CTNNA3: variants seen among roughly 807,000 people sequenced by gnomAD.
CTNNA3 encodes the protein catenin alpha 3.
Under a neutral mutation model 95.7 loss-of-function variants are expected in CTNNA3, and 76 were observed. That is an observed-to-expected ratio of 0.79 (90% confidence interval 0.66 to 0.96). CTNNA3 has a LOEUF of 0.96. CTNNA3 is among the 40% of genes least tolerant of loss of function. The pLI is 0.00. For missense variants in CTNNA3, 1,191 were observed against 1,089.8 expected (o/e 1.09, Z -1.31); for synonymous variants, 431 against 374.4 (o/e 1.15, Z -1.74).
chr10:66,301,751 C>T (rs886262374), intron 12 of CTNNA3, among the ~76,000 whole-genome samples: 2 of 152,090 alleles, frequency 1.3e-5, no homozygotes, highest in Non-Finnish European at 1.5e-5. Flanking sequence ...AAAATGCCTA[C>T]AGTTAACATC....
At chr10:66,420,262 AACAGGT>A (rs1433931214) in intron 11 of CTNNA3, among the ~76,000 whole-genome samples, 1 of 152,230 alleles carries the variant, frequency 6.6e-6, no homozygotes, top group Non-Finnish European at 1.5e-5. Flanking sequence ...GCAAATGGCC[AACAGGT>A]ACATGGAAAA....
At chr10:66,412,661 G>A (rs978230379) in intron 11 of CTNNA3, among the ~76,000 whole-genome samples, 2 of 151,774 alleles carry the variant, frequency 1.3e-5, no homozygotes, top group East Asian at 1.9e-4. Flanking sequence ...GGGTTTTATC[G>A]TATTAGCCAG....
At chr10:66,199,235 C>A (rs978745773) in intron 13 of CTNNA3, among the ~76,000 whole-genome samples, 2 of 152,036 alleles carry the variant, frequency 1.3e-5, no homozygotes, top group Admixed American at 6.6e-5. Flanking sequence ...GTGGAAACAT[C>A]AATGGTTTTA....
At chr10:66,488,710 T>C (rs1184425152) in intron 11 of CTNNA3, among the ~76,000 whole-genome samples, 1 of 152,132 alleles carries the variant, frequency 6.6e-6, no homozygotes, top group African/African-American at 2.4e-5. Flanking sequence ...TTTAAACAGC[T>C]GTCTAATAGA....
chr10:65,986,737 G>A (rs1207229501), intron 16 of CTNNA3, among the ~76,000 whole-genome samples: 2 of 149,804 alleles, frequency 1.3e-5, no homozygotes, highest in African/African-American at 2.4e-5. Context: ...AACCACAAAA[G>A]ACCCTGAATA....
At chr10:67,586,288 G>A (rs907660630) in intron 3 of CTNNA3, among the ~76,000 whole-genome samples, 16 of 152,102 alleles carry the variant, frequency 1.1e-4, no homozygotes, top group African/African-American at 3.9e-4. Context: ...TAAAGAGTGT[G>A]TATTCTCCAG....
chr10:65,937,993 AT>A lies in CTNNA3; in HGVS notation c.2401-17377del, dbSNP rs575734679. 2.7e-3 allele frequency among the ~76,000 whole-genome samples: 414 copies of A among 151,172 alleles called. 2 individuals are homozygous for A. Among genetic ancestry groups the A allele is most frequent in the African/African-American group, 9.7e-3 (403 of 41,476 alleles). Reference sequence around the variant, plus strand: ...AAAACTCAAAAAACAAACAAAAACCATGTATTAGTTATTCTGATGTTGTCTT... The same window carrying A: ...AAAACTCAAAAAACAAACAAAAACCAGTATTAGTTATTCTGATGTTGTCTT... On this transcript the variant is annotated intron_variant, in intron 17 of 17. Transcript: ENST00000433211.
chr10:67,383,458 G>A (rs1275390417), intron 5 of CTNNA3, among the ~76,000 whole-genome samples: 1 of 152,096 alleles, frequency 6.6e-6, no homozygotes, highest in Non-Finnish European at 1.5e-5. Context: ...AGTGGAGTTG[G>A]GACTTGAACT....
At chr10:67,520,193 T>A (rs1178664438) in intron 5 of CTNNA3, among the ~76,000 whole-genome samples, 2 of 152,310 alleles carry the variant, frequency 1.3e-5, no homozygotes, top group East Asian at 3.9e-4. Flanking sequence ...TTTCATTTAA[T>A]AAATAGTATA....
Position 66,641,211 on chromosome 10 carries a change from T to G in CTNNA3, c.1282-19427A>C, listed in dbSNP as rs146796500. ...AATGAAGTTGTTGAGAAATGCTTTT[T>G]ATGCCATATTAAATTTAAAGATATA... On this transcript the variant is annotated intron_variant, in intron 9 of 17. Coordinates refer to ENST00000433211, the MANE Select transcript of CTNNA3 (RefSeq NM_013266.4). Among the ~76,000 whole-genome samples, 1,011 of 152,300 alleles carry G rather than the reference T, an allele frequency of 6.6e-3. 20 individuals carry two copies. The highest frequency in any genetic ancestry group is 0.023 in the African/African-American group (964 of 41,572).
chr10:66,403,988 G>A (rs983180100), intron 11 of CTNNA3, among the ~76,000 whole-genome samples: 3 of 152,090 alleles, frequency 2.0e-5, no homozygotes, highest in South Asian at 2.1e-4. Context: ...TTCTAAAATC[G>A]CTTACTGATC....
chr10:66,699,263 T>C (rs10822893), intron 9 of CTNNA3, among the ~76,000 whole-genome samples: 35,966 of 152,134 alleles, frequency 0.24, 5,617 homozygotes, highest in East Asian at 0.56. Flanking sequence ...CATATGGTAG[T>C]TCTATTTTTA....
chr10:67,316,049 G>T lies in CTNNA3; in HGVS notation c.580-96179C>A, dbSNP rs534613908. Among the ~76,000 whole-genome samples, 6 of 152,198 alleles carry T rather than the reference G, an allele frequency of 3.9e-5. No homozygotes were observed. The South Asian group carries it at 1.2e-3, about 32-fold the overall frequency. ...TATTCTTTTTGAATAGTGATAATGG[G>T]ATTTGTAAATCGGCTATATCATTTA... On this transcript the variant is annotated intron_variant, in intron 5 of 17. Transcript: ENST00000433211.
intron 9 of CTNNA3, among the ~76,000 whole-genome samples, chr10:66,622,634 T>C (rs1339973232): frequency 6.6e-6 from 1 of 152,160 alleles, no homozygotes. Flanking sequence ...TATCTCATTG[T>C]CTTTATCATT....
At chr10:67,193,419 G>T (rs1863209626) in intron 6 of CTNNA3, among the ~76,000 whole-genome samples, 1 of 151,840 alleles carries the variant, frequency 6.6e-6, no homozygotes, top group South Asian at 2.1e-4. Flanking sequence ...GTGTCATGAG[G>T]GTTTGTTTTA....
intron 15 of CTNNA3, among the ~76,000 whole-genome samples, chr10:66,035,798 G>A (rs142242520): frequency 6.6e-6 from 1 of 152,192 alleles, no homozygotes; most frequent in Non-Finnish European, 1.5e-5. Context: ...AGAATTTTGT[G>A]TAAAAGGCTA....
At chr10:67,242,565 A>G (rs1865756294) in intron 5 of CTNNA3, among the ~76,000 whole-genome samples, 2 of 152,234 alleles carry the variant, frequency 1.3e-5, no homozygotes, top group African/African-American at 4.8e-5. Context: ...GCCCCGATTT[A>G]AACACATTCA....
chr10:66,913,976 A>C (rs540398650), intron 7 of CTNNA3, among the ~76,000 whole-genome samples: 25 of 152,300 alleles, frequency 1.6e-4, no homozygotes, highest in Middle Eastern at 3.4e-3. Context: ...GAACACTGGT[A>C]GCAGGTGTAC....
chr10:66,089,363 C>T (rs994766564), intron 14 of CTNNA3, among the ~76,000 whole-genome samples: 2 of 151,146 alleles, frequency 1.3e-5, no homozygotes, highest in African/African-American at 4.9e-5. Context: ...CCTTCCTTTG[C>T]TCCCTTCCTT....
Sources: allele counts gnomAD v4.1 joint callset (sites outside exome capture counted in the v4.1 genomes callset), GRCh38; gene constraint gnomAD v4.1.1; transcripts MANE v1.5; gene names NCBI Gene and HGNC (gene_info 2026-07-23, HGNC 2026-07-21).